UTRN: variants seen among roughly 807,000 people sequenced by gnomAD.
UTRN encodes dystrophin-related protein 1.
UTRN carries 283 observed loss-of-function variants against 463.9 expected under a neutral mutation model. The ratio of observed to expected loss-of-function variants is 0.61; its 90% CI spans 0.55 to 0.67. The LOEUF (loss-of-function observed/expected upper bound fraction) is 0.67. Among genes scored for constraint, UTRN ranks in the 30% least tolerant of loss-of-function variants. UTRN has a pLI of 0.00. For missense variants in UTRN, 3,922 were observed against 4,084.3 expected (o/e 0.96, Z 1.08); for synonymous variants, 1,442 against 1,431.5 (o/e 1.01, Z -0.17).
At chr6:144,565,119 A>T (rs138370071) in intron 50 of UTRN, among the ~76,000 whole-genome samples, 107 of 152,302 alleles carry the variant, frequency 7.0e-4, no homozygotes, top group African/African-American at 2.5e-3. Flanking sequence ...TAGATTTGCG[A>T]TATGCCTTGG....
chr6:144,777,462 T>C (rs1410945889), intron 60 of UTRN, among the ~76,000 whole-genome samples: 1 of 152,226 alleles, frequency 6.6e-6, no homozygotes, highest in Non-Finnish European at 1.5e-5. Context: ...AATACAAAGG[T>C]TAATGGTTAC....
At chr6:144,564,372 G>A (rs1024764120) in intron 50 of UTRN, among the ~76,000 whole-genome samples, 28 of 152,116 alleles carry the variant, frequency 1.8e-4, no homozygotes, top group Admixed American at 1.8e-3. Context: ...AAGTCATGAG[G>A]CAGGAAAGAG....
At chr6:144,437,407 G>A (rs1018872521) in intron 10 of UTRN, among the ~76,000 whole-genome samples, 158 bp from the exon 11 acceptor site, 1 of 151,982 alleles carries the variant, frequency 6.6e-6, no homozygotes, top group Non-Finnish European at 1.5e-5. Context: ...TATTTTCAGA[G>A]ATTAAAAAAT....
In UTRN at chr6:144,492,063, G is replaced by A. The variant is rs530937488; in HGVS notation, c.4437+961G>A. 1.4e-3 allele frequency among the ~76,000 whole-genome samples: 220 copies of A among 152,118 alleles called. 2 individuals carry two copies. The highest frequency in any genetic ancestry group is 5.0e-3 in the African/African-American group (206 of 41,520). On this transcript the variant is annotated intron_variant, in intron 32 of 74. Transcript: ENST00000367545. ...TTAGGTTCAGGAAGTACATGTGCAC[G>A]TTTGATACATGGATATATTGTATGA...
chr6:144,783,973 A>G (rs1451895517), intron 61 of UTRN, among the ~76,000 whole-genome samples: 1 of 152,192 alleles, frequency 6.6e-6, no homozygotes, highest in Non-Finnish European at 1.5e-5. Flanking sequence ...ATTAGCCTTA[A>G]TCCACCATTA....
At chr6:144,487,835 T>C (rs1395228185) in intron 29 of UTRN, 138 bp downstream of exon 29, 11 of 706,478 alleles carry the variant, frequency 1.6e-5, no homozygotes, top group Non-Finnish European at 2.4e-5. Flanking sequence ...AACAGGGGCA[T>C]TGAGGGTATT....
chr6:144,582,499 T>C (rs1184503345), intron 51 of UTRN, among the ~76,000 whole-genome samples: 1 of 152,162 alleles, frequency 6.6e-6, no homozygotes. Context: ...CCCAAAATTA[T>C]GTACTGGATT....
intron 49 of UTRN, among the ~76,000 whole-genome samples, chr6:144,556,262 C>T (rs1799373660): frequency 1.3e-5 from 2 of 152,142 alleles, no homozygotes; most frequent in Admixed American, 6.5e-5. Flanking sequence ...CAAATGCAGA[C>T]TTTACTTGGT....
At chr6:144,714,411 A>G (rs1013907635) in intron 53 of UTRN, among the ~76,000 whole-genome samples, 1 of 152,228 alleles carries the variant, frequency 6.6e-6, no homozygotes, top group Non-Finnish European at 1.5e-5. Flanking sequence ...ACCAAAAGCT[A>G]AAGAAGCCTG....
chr6:144,533,259 A>G lies in UTRN; in HGVS notation c.6232A>G (p.Arg2078Gly), dbSNP rs763853208. The G allele has an allele frequency of 1.2e-6, 2 of 1,613,928 alleles. No individual in the cohort carries two copies. Among genetic ancestry groups the G allele is most frequent in the Non-Finnish European group, 1.7e-6 (2 of 1,179,858 alleles). The change falls in exon 43 of 75, where the codon AGG becomes GGG. Residue 2078 changes from arginine to glycine, a missense_variant and splice_region_variant. By Grantham distance (125) the Arg-to-Gly change is moderately radical. This residue lies in a region of UTRN where 2,349 missense variants were observed against 2,303.8 expected (regional missense o/e 1.02). Coordinates refer to ENST00000367545, the MANE Select transcript of UTRN (RefSeq NM_007124.3). ...IVAEVKDRQPRLKGESKQVMK... is the reference protein window; with the variant it reads ...IVAEVKDRQPGLKGESKQVMK... Reference sequence around the variant, plus strand: ...TGCAGAAGTGAAGGATAGGCAGCCAAGGTGATTTAGCTATGATTGTTTGCA... The same window carrying G: ...TGCAGAAGTGAAGGATAGGCAGCCAGGGTGATTTAGCTATGATTGTTTGCA...
At chr6:144,762,097 C>T (rs1416441096) in intron 58 of UTRN, among the ~76,000 whole-genome samples, 2 of 152,060 alleles carry the variant, frequency 1.3e-5, no homozygotes, top group Non-Finnish European at 2.9e-5. Context: ...AGTATAGGTA[C>T]TATAATTACC....
chr6:144,309,407 C>T (rs190607715), intron 2 of UTRN, among the ~76,000 whole-genome samples: 1 of 152,326 alleles, frequency 6.6e-6, no homozygotes, highest in East Asian at 1.9e-4. Context: ...CTCCTGATCT[C>T]CCGTAAACCC....
At position 144,301,170 on chromosome 6, in the gene UTRN, T is replaced by C. The variant is rs80354573; in HGVS notation, c.79+9263T>C. On this transcript the variant is annotated intron_variant, in intron 2 of 74. Coordinates refer to ENST00000367545, the MANE Select transcript of UTRN (RefSeq NM_007124.3). ...TATTAGCAAATATAAAAAGGTTTAC[T>C]TTTGTGTTTTTACATGTGAAATCAA... 3.4e-3 allele frequency among the ~76,000 whole-genome samples: 522 copies of C among 152,316 alleles called. 16 individuals are homozygous for C. The East Asian group carries it at 0.056, about 16-fold the overall frequency.
intron 2 of UTRN, chr6:144,398,781 T>C (rs527588444): frequency 6.5e-6 from 1 of 154,290 alleles, no homozygotes; most frequent in South Asian, 2.1e-4. Context: ...GAAGACATGG[T>C]CCACTTGTGT....
In UTRN at chr6:144,465,799, T is replaced by C. The variant is rs1237334183; in HGVS notation, c.3066+2933T>C. 2.6e-5 allele frequency among the ~76,000 whole-genome samples: 4 copies of C among 152,352 alleles called. No individual in the cohort carries two copies. The East Asian group carries it at 7.7e-4, about 29-fold the overall frequency. On this transcript the variant is annotated intron_variant, in intron 23 of 74. Transcript: ENST00000367545. ...TTCAATGACCTGATATATGATTTTTTAGGCATTTAATTATTTTTGTCTTTA... is the reference window on the plus strand; with the variant it reads ...TTCAATGACCTGATATATGATTTTTCAGGCATTTAATTATTTTTGTCTTTA...
At chr6:144,552,113 C>T (rs1318969531) in intron 48 of UTRN, among the ~76,000 whole-genome samples, 3 of 152,164 alleles carry the variant, frequency 2.0e-5, no homozygotes, top group African/African-American at 7.2e-5. Context: ...AATTAACTAC[C>T]TAATAAATAT....
In UTRN at chr6:144,397,712, T is replaced by A. The variant is rs117257834; in HGVS notation, c.80-5411T>A. The stretch of plus-strand genomic sequence containing the variant: ...CTAGAATGTCCTTCCCATCTTTGCA[T>A]GAACCATACTTCATCTATTTTTCAA... On this transcript the variant is annotated intron_variant, in intron 2 of 74. Coordinates refer to ENST00000367545, the MANE Select transcript of UTRN (RefSeq NM_007124.3). 3.0e-3 allele frequency among the ~76,000 whole-genome samples: 461 copies of A among 152,238 alleles called. 2 individuals carry two copies. Among genetic ancestry groups the A allele is most frequent in the Non-Finnish European group, 5.0e-3 (342 of 68,018 alleles).
chr6:144,380,045 G>A (rs1780774946), intron 2 of UTRN, among the ~76,000 whole-genome samples: 1 of 152,178 alleles, frequency 6.6e-6, no homozygotes, highest in Non-Finnish European at 1.5e-5. Flanking sequence ...TTCTCTGAAT[G>A]AATGAAGAAT....
intron 53 of UTRN, among the ~76,000 whole-genome samples, chr6:144,725,096 A>G (rs1176274392): frequency 1.3e-5 from 2 of 152,188 alleles, no homozygotes; most frequent in Admixed American, 1.3e-4. Context: ...CCCGCATGTC[A>G]TGGGAGGGAC....
Sources: allele counts gnomAD v4.1 joint callset (sites outside exome capture counted in the v4.1 genomes callset), GRCh38; gene constraint gnomAD v4.1.1; regional missense constraint gnomAD v4.1.1; transcripts MANE v1.5; gene names NCBI Gene and HGNC (gene_info 2026-07-23, HGNC 2026-07-21).